The following DAPP1 variants were observed in gnomAD, a reference collection of about 807,000 sequenced individuals.
DAPP1 encodes dual adapter for phosphotyrosine and 3-phosphotyrosine and 3-phosphoinositide.
Under a neutral mutation model 41.5 loss-of-function variants are expected in DAPP1, and 20 were observed. That is an observed-to-expected ratio of 0.48 (90% CI 0.34 to 0.70). The LOEUF (loss-of-function observed/expected upper bound fraction) is 0.70. DAPP1 is among the 30% of genes least tolerant of loss of function. The pLI is 0.01. For synonymous variants in DAPP1, 113 were observed against 116.2 expected, an observed-to-expected ratio of 0.97 and a Z score of 0.18; for missense variants, 233 against 333.4, an observed-to-expected ratio of 0.70 and a Z score of 2.35.
chr4:99,853,413 G>C, intron 4 of DAPP1, 65 bp downstream of exon 4: 1 of 1,531,108 alleles, frequency 6.5e-7, no homozygotes, highest in Middle Eastern at 1.7e-4. Context: ...TTCAATAAAA[G>C]TTAATAAGAG....
intron 4 of DAPP1, among the ~76,000 whole-genome samples, chr4:99,859,480 A>G (rs536700659): frequency 1.7e-4 from 26 of 152,160 alleles, no homozygotes; most frequent in Non-Finnish European, 2.9e-4. Flanking sequence ...ATACTTTTAC[A>G]TCTGTATTTA....
At chr4:99,840,616 A>G (rs960029972) in intron 3 of DAPP1, among the ~76,000 whole-genome samples, 194 bp downstream of exon 3, 1 of 152,224 alleles carries the variant, frequency 6.6e-6, no homozygotes, top group Admixed American at 6.5e-5. Flanking sequence ...AAAGCACACA[A>G]TTTCTTTAAA....
intron 4 of DAPP1, among the ~76,000 whole-genome samples, chr4:99,856,840 A>G (rs1018738612): frequency 6.6e-6 from 1 of 152,242 alleles, no homozygotes; most frequent in African/African-American, 2.4e-5. Flanking sequence ...CCAAAGGGCA[A>G]TATTGAAAGG....
chr4:99,866,103 G>A lies in DAPP1; in HGVS notation c.756G>A (p.Lys252=). ...KTGVEADEWI[K]ILRWKLSQIR... ...GAGTAGAAGCTGATGAGTGGATCAA[G>A]ATATTACGCTGGAAATTGGTGAGAA... The change falls in exon 8 of 9, where the codon AAG becomes AAA. Residue 252 remains lysine, a synonymous_variant. Coordinates refer to ENST00000512369, the MANE Select transcript of DAPP1 (RefSeq NM_014395.3). 1 of 1,599,992 alleles carries A rather than the reference G, an allele frequency of 6.3e-7. No individual in the cohort carries two copies. The highest frequency in any genetic ancestry group is 8.5e-7 in the Non-Finnish European group (1 of 1,170,668).
chr4:99,852,454 A>C (rs1723894630), intron 3 of DAPP1, among the ~76,000 whole-genome samples: 1 of 152,200 alleles, frequency 6.6e-6, no homozygotes, highest in Non-Finnish European at 1.5e-5. Flanking sequence ...ATAGACTCAG[A>C]ACTGCTCTGA....
intron 4 of DAPP1, among the ~76,000 whole-genome samples, chr4:99,858,846 G>A (rs1011398128): frequency 1.3e-5 from 2 of 151,926 alleles, no homozygotes; most frequent in South Asian, 4.2e-4. Context: ...TGGCCAGTCG[G>A]GGAAAGAGCC....
chr4:99,840,199 T>C, intron 2 of DAPP1, 90 bp from the exon 3 acceptor site: 1 of 894,494 alleles, frequency 1.1e-6, no homozygotes. Context: ...TATAAAGGGT[T>C]AATAGTGATG....
downstream of DAPP1, among the ~76,000 whole-genome samples, chr4:99,872,133 G>T (rs532139834): frequency 3.5e-4 from 54 of 152,334 alleles, 1 homozygote; most frequent in South Asian, 0.011. Context: ...AGGCATTTGA[G>T]AATGACCATA....
intron 4 of DAPP1, among the ~76,000 whole-genome samples, chr4:99,858,805 T>C (rs1423724748): frequency 6.6e-6 from 1 of 152,200 alleles, no homozygotes; most frequent in African/African-American, 2.4e-5. Context: ...ACTATCATTA[T>C]TTATTTTGAT....
intron 5 of DAPP1, among the ~76,000 whole-genome samples, 161 bp from the exon 6 acceptor site, chr4:99,862,849 C>CT (rs1724287548): frequency 1.3e-5 from 2 of 151,492 alleles, no homozygotes; most frequent in Non-Finnish European, 2.9e-5. Context: ...TATTTTGAAA[C>CT]TTTTTTCTCA....
At position 99,869,881 on chromosome 4, in the gene DAPP1, G is replaced by C. The variant is rs1724586055; in HGVS notation, c.*1696G>C. 1 of 152,130 alleles carries C rather than the reference G, an allele frequency of 6.6e-6. No homozygotes were observed. Among genetic ancestry groups the C allele is most frequent in the Non-Finnish European group, 1.5e-5 (1 of 68,036 alleles). The allele number at this position is 152,130 out of a possible 1,614,324, so 9.4% of individuals were successfully genotyped here. On this transcript the variant is annotated 3_prime_UTR_variant, in exon 9 of 9. Coordinates refer to ENST00000512369, the MANE Select transcript of DAPP1 (RefSeq NM_014395.3). ...GGAGGTGGAGGTTGCAGTGAACCAA[G>C]ATCGCGGCGCTGCACTCTAGCCTGG...
intron 3 of DAPP1, among the ~76,000 whole-genome samples, chr4:99,850,933 G>A (rs1409673327): frequency 2.0e-5 from 3 of 152,218 alleles, no homozygotes; most frequent in African/African-American, 4.8e-5. Context: ...AGCTTGTAAT[G>A]GTTGTCCAAG....
chr4:99,826,725 A>G (rs947901714), intron 1 of DAPP1, among the ~76,000 whole-genome samples: 1 of 152,214 alleles, frequency 6.6e-6, no homozygotes, highest in African/African-American at 2.4e-5. Context: ...TGTCCACTCC[A>G]GTGCCTTTGC....
chr4:99,830,764 T>TTCTCTC (rs924587543), intron 1 of DAPP1, among the ~76,000 whole-genome samples: 1 of 151,238 alleles, frequency 6.6e-6, no homozygotes, highest in Admixed American at 6.6e-5. Context: ...AACTCTCTCT[T>TTCTCTC]TCTCTCTCTC....
chr4:99,868,099 G>T lies in DAPP1; in HGVS notation c.775-18G>T, dbSNP rs373968081. The stretch of plus-strand genomic sequence containing the variant: ...CAATCACTCAATAATGGATACACGT[G>T]TGTGTACTTTATTACAGTCACAAAT... On this transcript the variant is annotated intron_variant, in intron 8 of 8. Coordinates refer to ENST00000512369, the MANE Select transcript of DAPP1 (RefSeq NM_014395.3). The T allele has an allele frequency of 1.2e-6, 2 of 1,607,170 alleles. No homozygotes were observed. Among genetic ancestry groups the T allele is most frequent in the African/African-American group, 2.7e-5 (2 of 74,896 alleles).
intron 1 of DAPP1, among the ~76,000 whole-genome samples, chr4:99,829,821 G>A (rs1308211141): frequency 6.6e-6 from 1 of 151,960 alleles, no homozygotes; most frequent in Non-Finnish European, 1.5e-5. Flanking sequence ...TCAAATACCA[G>A]ACAGCAAAAA....
chr4:99,870,063 A>G lies in DAPP1; in HGVS notation c.*1878A>G, dbSNP rs867834013. The G allele has an allele frequency of 2.6e-5, 4 of 152,136 alleles. No individual in the cohort carries two copies. Among genetic ancestry groups the G allele is most frequent in the East Asian group, 1.9e-4 (1 of 5,192 alleles). The allele number at this position is 152,136 out of a possible 1,614,324, so 9.4% of individuals were successfully genotyped here. ...TGGGTGGGTAATATTGTGTTTTACT[A>G]TGTTTACCTTTTATAAAACATAACC... On this transcript the variant is annotated 3_prime_UTR_variant, in exon 9 of 9. Coordinates refer to ENST00000512369, the MANE Select transcript of DAPP1 (RefSeq NM_014395.3).
At chr4:99,843,514 A>G (rs1159342917) in intron 3 of DAPP1, among the ~76,000 whole-genome samples, 1 of 152,148 alleles carries the variant, frequency 6.6e-6, no homozygotes, top group African/African-American at 2.4e-5. Flanking sequence ...TTTTATGATA[A>G]TTTCCCTTTC....
chr4:99,871,987 A>G (rs1724636863), downstream of DAPP1, among the ~76,000 whole-genome samples: 1 of 152,260 alleles, frequency 6.6e-6, no homozygotes, highest in Admixed American at 6.5e-5. Flanking sequence ...CTGACTTAGC[A>G]GTAGCAACAA....
Sources: gnomAD v4.1 joint callset for allele counts (sites outside exome capture counted in the v4.1 genomes callset) on GRCh38, gnomAD v4.1.1 for gene constraint, MANE v1.5 for transcripts, NCBI Gene and HGNC (gene_info 2026-07-23, HGNC 2026-07-21) for gene names.